Variants in C10orf90 observed in about 807,000 individuals in gnomAD.
The protein encoded by C10orf90 is (E2-independent) E3 ubiquitin-conjugating enzyme FATS.
Under a neutral mutation model 62.5 loss-of-function variants are expected in C10orf90, and 56 were observed. That is an observed-to-expected ratio of 0.90 (90% confidence interval 0.72 to 1.12). The LOEUF (loss-of-function observed/expected upper bound fraction) is 1.12. Among genes scored for constraint, C10orf90 ranks in the 50% most tolerant of loss-of-function variants. The probability of loss-of-function intolerance (pLI) is 0.00; values close to 1 mark genes in which losing one functional copy is unlikely to be tolerated. For missense variants in C10orf90, 970 were observed against 880.4 expected (o/e 1.10, Z -1.29); for synonymous variants, 386 against 340.4 (o/e 1.13, Z -1.47).
chr10:126,514,022 G>T, intron 2 of C10orf90, 83 bp from the exon 3 acceptor site: 1 of 955,068 alleles, frequency 1.0e-6, no homozygotes, highest in Non-Finnish European at 1.6e-6. Flanking sequence ...AAAATTTAAT[G>T]TCACCTACTC....
At chr10:126,470,737 G>A (rs1488729597) in intron 4 of C10orf90, among the ~76,000 whole-genome samples, 1 of 147,548 alleles carries the variant, frequency 6.8e-6, no homozygotes, top group Non-Finnish European at 1.5e-5. Context: ...GTGACAGAAC[G>A]AGACTCTGTC....
intron 2 of C10orf90, among the ~76,000 whole-genome samples, chr10:126,552,302 T>C (rs1864653379): frequency 6.6e-6 from 1 of 152,238 alleles, no homozygotes; most frequent in Non-Finnish European, 1.5e-5. Flanking sequence ...TTGCCTTTGT[T>C]ATCTTTAAGT....
chr10:126,665,989 G>A (rs991638011), intron 1 of C10orf90, among the ~76,000 whole-genome samples: 1 of 152,158 alleles, frequency 6.6e-6, no homozygotes. Flanking sequence ...TTAGGTTCCC[G>A]CCAGCCCAGG....
chr10:126,435,143 C>T (rs1013199110), intron 7 of C10orf90, among the ~76,000 whole-genome samples: 11 of 152,214 alleles, frequency 7.2e-5, no homozygotes, highest in African/African-American at 2.4e-4. Flanking sequence ...GGAAGCCACA[C>T]AGTTGTTGGT....
In C10orf90 at chr10:126,504,234, C is replaced by T. The variant is rs776893618; in HGVS notation, c.1257G>A (p.Glu419=). ...REPISEALKQ[E]LLEGDQDLVG... is the part of the protein sequence containing the mutation. ...CGAGGTCCTGGTCTCCCTCCAGGAG[C>T]TCCTGCTTCAGGGCTTCGCTTATTG... The change falls in exon 4 of 10, where the codon GAG becomes GAA. Residue 419 remains glutamate (E), a synonymous_variant. Transcript: ENST00000488181. This position sits in a 1 kb window ranked among gnomAD's most constrained non-coding sequence, Gnocchi z 4.1. 6.2e-7 allele frequency: 1 copy of T among 1,614,224 alleles called. No homozygotes were observed. The highest frequency in any genetic ancestry group is 8.5e-7 in the Non-Finnish European group (1 of 1,180,050).
At chr10:126,656,132 G>T (rs1237515834) in intron 1 of C10orf90, among the ~76,000 whole-genome samples, 1 of 152,136 alleles carries the variant, frequency 6.6e-6, no homozygotes, top group East Asian at 1.9e-4. Context: ...GCCACACCAT[G>T]GAGTGCTTAC....
At chr10:126,528,200 G>A (rs923563549) in intron 2 of C10orf90, among the ~76,000 whole-genome samples, 5 of 152,210 alleles carry the variant, frequency 3.3e-5, no homozygotes, top group African/African-American at 7.2e-5. Flanking sequence ...GCCATAGGCC[G>A]CGGGTCAACC....
chr10:126,586,118 T>C (rs1392412231), intron 2 of C10orf90, among the ~76,000 whole-genome samples: 1 of 152,256 alleles, frequency 6.6e-6, no homozygotes, highest in African/African-American at 2.4e-5. Context: ...TCCATGCTTT[T>C]GGCTTTAGTG....
intron 7 of C10orf90, among the ~76,000 whole-genome samples, chr10:126,454,380 G>T (rs1305387237): frequency 6.6e-6 from 1 of 151,814 alleles, no homozygotes; most frequent in Non-Finnish European, 1.5e-5. Context: ...TTGCCTGCAG[G>T]GGCTATACCC....
intron 4 of C10orf90, among the ~76,000 whole-genome samples, chr10:126,498,967 T>C (rs1295424352): frequency 6.6e-6 from 1 of 152,204 alleles, no homozygotes; most frequent in Non-Finnish European, 1.5e-5. Flanking sequence ...GAGTCTGATT[T>C]CTAGAGAATC....
intron 2 of C10orf90, chr10:126,523,629 G>A (rs1340569059): frequency 5.9e-5 from 9 of 152,074 alleles, no homozygotes; most frequent in Non-Finnish European, 1.2e-4. Flanking sequence ...AGTGTGCAGC[G>A]GTATTAAATA....
At chr10:126,531,674 T>G (rs958225899) in intron 2 of C10orf90, among the ~76,000 whole-genome samples, 22 of 152,244 alleles carry the variant, frequency 1.4e-4, no homozygotes, top group Admixed American at 5.2e-4. Context: ...ATTAAAACTA[T>G]AAGGCTTTTA....
intron 2 of C10orf90, among the ~76,000 whole-genome samples, chr10:126,538,043 A>ATG (rs1292560404): frequency 6.6e-6 from 1 of 152,218 alleles, no homozygotes; most frequent in Non-Finnish European, 1.5e-5. Flanking sequence ...CTGCTAATAA[A>ATG]GATATATCTA....
chr10:126,473,625 C>G (rs1306214016), intron 4 of C10orf90, among the ~76,000 whole-genome samples: 1 of 151,474 alleles, frequency 6.6e-6, no homozygotes, highest in East Asian at 1.9e-4. Flanking sequence ...TACCCTCCCC[C>G]AGGCTGCCCA....
At chr10:126,480,986 C>T (rs1861134484) in intron 4 of C10orf90, among the ~76,000 whole-genome samples, 1 of 147,896 alleles carries the variant, frequency 6.8e-6, no homozygotes, top group Non-Finnish European at 1.5e-5. Flanking sequence ...CCTCCATGAG[C>T]CCAGGTGTCC....
intron 1 of C10orf90, among the ~76,000 whole-genome samples, chr10:126,647,085 T>A (rs2133852489): frequency 6.6e-6 from 1 of 152,352 alleles, no homozygotes; most frequent in East Asian, 1.9e-4. Context: ...AAGCAGAATG[T>A]ATAGGAAACT....
At chr10:126,662,225 C>G (rs1228463198) in intron 1 of C10orf90, among the ~76,000 whole-genome samples, 1 of 152,138 alleles carries the variant, frequency 6.6e-6, no homozygotes, top group Non-Finnish European at 1.5e-5. Flanking sequence ...TTTAGCCGCA[C>G]TACTAAGACA....
At chr10:126,619,133 T>C (rs1312059794) in intron 2 of C10orf90, among the ~76,000 whole-genome samples, 3 of 152,224 alleles carry the variant, frequency 2.0e-5, no homozygotes, top group African/African-American at 7.2e-5. Context: ...CCGTGCACAC[T>C]ATCTTGCTGT....
chr10:126,654,358 G>A lies in C10orf90; in HGVS notation c.241-7721C>T, dbSNP rs117948514. 5.1e-4 allele frequency among the ~76,000 whole-genome samples: 77 copies of A among 152,326 alleles called. No individual in the cohort carries two copies. In the East Asian group the frequency reaches 0.014, roughly 29 times the overall value. On this transcript the variant is annotated intron_variant, in intron 1 of 9. Coordinates refer to ENST00000488181, the MANE Select transcript of C10orf90 (RefSeq NM_001350921.2). Reference sequence around the variant, plus strand: ...ATAACTTGCAGCAGCTTCTACATTAGGGTTGCTGCTTCGCCGTGCACTTTG... The same window carrying A: ...ATAACTTGCAGCAGCTTCTACATTAAGGTTGCTGCTTCGCCGTGCACTTTG...
Sources: allele counts gnomAD v4.1 joint callset (sites outside exome capture counted in the v4.1 genomes callset), GRCh38; gene constraint gnomAD v4.1.1; non-coding constraint Gnocchi (gnomAD v3.1); transcripts MANE v1.5; gene names NCBI Gene and HGNC (gene_info 2026-07-23, HGNC 2026-07-21).